EYS: variants seen among roughly 807,000 people sequenced by gnomAD.
EYS encodes the protein protein eyes shut homolog.
EYS carries 250 observed loss-of-function variants against 282.1 expected under a neutral mutation model. The observed-to-expected ratio is 0.89, with a 90% CI of 0.80 to 0.98. EYS has a LOEUF of 0.98. Ranked by LOEUF, EYS falls within the 50% of genes least tolerant of loss-of-function variation. EYS has a pLI of 0.00. For missense variants in EYS, 4,016 were observed against 3,709.0 expected (o/e 1.08, Z -2.15); for synonymous variants, 1,355 against 1,282.9 (o/e 1.06, Z -1.20).
chr6:64,694,848 C>T (rs879272818), intron 22 of EYS, among the ~76,000 whole-genome samples: 4 of 152,086 alleles, frequency 2.6e-5, no homozygotes, highest in East Asian at 1.9e-4. Flanking sequence ...TGCAGTTTCA[C>T]GGTCTGAAGA....
In EYS at chr6:64,591,806, C is replaced by G. The variant is rs1766421024; in HGVS notation, c.4061G>C (p.Gly1354Ala). 6.4e-7 allele frequency: 1 copy of G among 1,551,158 alleles called. No individual in the cohort carries two copies. Among genetic ancestry groups the G allele is most frequent in the Non-Finnish European group, 8.7e-7 (1 of 1,146,698 alleles). ...DVSSSRFLNF[G>A]IRDPAQIVQD... ...GACAATTTGTGCTGGGTCACGAATA[C>G]CAAAATTCAGGAATCGAGAAGAGGA... The change falls in exon 26 of 43, where the codon GGT becomes GCT. Residue 1354 changes from glycine (G) to alanine (A), a missense_variant. Gly to Ala is a moderately conservative substitution (Grantham distance 60). Coordinates refer to ENST00000503581, the MANE Select transcript of EYS (RefSeq NM_001142800.2).
intron 29 of EYS, among the ~76,000 whole-genome samples, chr6:64,351,359 A>G (rs556131488): frequency 1.3e-5 from 2 of 151,648 alleles, no homozygotes; most frequent in East Asian, 3.9e-4. Context: ...TAAACCAAGT[A>G]GTATTCAGAG....
chr6:64,463,372 A>G (rs1043536372), intron 26 of EYS, among the ~76,000 whole-genome samples: 6 of 152,208 alleles, frequency 3.9e-5, no homozygotes, highest in African/African-American at 1.4e-4. Flanking sequence ...CTAGGCCTGT[A>G]GTCAGCTATC....
Position 63,720,994 on chromosome 6 carries a change from G to A in EYS, c.9037C>T (p.Leu3013Phe). The A allele has an allele frequency of 6.4e-7, 1 of 1,551,272 alleles. No individual in the cohort carries two copies. Among genetic ancestry groups the A allele is most frequent in the Non-Finnish European group, 8.7e-7 (1 of 1,146,768 alleles). ...NEENDFLAIG[L>F]HNQTLKIAVN... is the part of the protein sequence containing the mutation. ...GCTATTTTCAAGGTCTGATTATGGA[G>A]ACCAATTGCCAGAAAATCATTTTCT... The change falls in exon 43 of 43, where the codon CTC becomes TTC. Residue 3013 changes from leucine to phenylalanine, a missense_variant. By Grantham distance (22) the Leu-to-Phe change is conservative. Transcript: ENST00000503581.
rs576242874 is a variant in EYS, at chr6:64,540,511, C to A, written c.5644+49712G>T. Reference sequence around the variant, plus strand: ...TTTTTTTTTTTTTTTGAGATGGAGTCTAGGTCTGTCACCCAGGCTGGAGTG... The same window carrying A: ...TTTTTTTTTTTTTTTGAGATGGAGTATAGGTCTGTCACCCAGGCTGGAGTG... On this transcript the variant is annotated intron_variant, in intron 26 of 42. Coordinates refer to ENST00000503581, the MANE Select transcript of EYS (RefSeq NM_001142800.2). Among the ~76,000 whole-genome samples, 7 of 112,428 alleles carry A rather than the reference C, an allele frequency of 6.2e-5. No homozygotes were observed. The East Asian group carries it at 2.0e-3, about 32-fold the overall frequency. 73.8% of individuals were successfully genotyped at this position (112,428 alleles called of 152,430 possible). A position where few individuals can be genotyped will look rare whatever the true frequency, so the allele number is the denominator to read the frequency against.
At chr6:63,807,940 G>T (rs1770946893) in intron 36 of EYS, among the ~76,000 whole-genome samples, 1 of 152,118 alleles carries the variant, frequency 6.6e-6, no homozygotes, top group South Asian at 2.1e-4. Flanking sequence ...ATAGAATTCA[G>T]TTAAATTTAA....
intron 12 of EYS, among the ~76,000 whole-genome samples, chr6:65,280,669 T>TA (rs1768191089): frequency 6.6e-6 from 1 of 151,980 alleles, no homozygotes; most frequent in African/African-American, 2.4e-5. Flanking sequence ...ACTTGTAATG[T>TA]AAAATTACAA....
intron 5 of EYS, among the ~76,000 whole-genome samples, chr6:65,465,979 AAT>A (rs1764984199): frequency 6.6e-6 from 1 of 152,010 alleles, no homozygotes; most frequent in Non-Finnish European, 1.5e-5. Flanking sequence ...TCAATCAATC[AAT>A]CAATCAATCA....
At chr6:65,036,634 A>C (rs76707781) in intron 13 of EYS, among the ~76,000 whole-genome samples, 22,162 of 151,566 alleles carry the variant, frequency 0.15, 1,693 homozygotes, top group East Asian at 0.24. Context: ...AAAAACAAAA[A>C]AACACCATTG....
At chr6:65,308,946 T>A (rs1446433190) in intron 11 of EYS, among the ~76,000 whole-genome samples, 3 of 152,054 alleles carry the variant, frequency 2.0e-5, no homozygotes, top group Non-Finnish European at 4.4e-5. Flanking sequence ...CCTTTTGGTG[T>A]GTTAAGTTTA....
At chr6:64,312,991 A>C (rs1485574416) in intron 29 of EYS, among the ~76,000 whole-genome samples, 1 of 152,182 alleles carries the variant, frequency 6.6e-6, no homozygotes, top group African/African-American at 2.4e-5. Flanking sequence ...AAGGATCACA[A>C]CTCCTTGCAG....
intron 2 of EYS, among the ~76,000 whole-genome samples, chr6:65,613,865 T>C (rs1471044120): frequency 1.3e-5 from 2 of 151,938 alleles, no homozygotes; most frequent in Non-Finnish European, 2.9e-5. Context: ...AATTTTTTTA[T>C]GTTTTTCATA....
intron 14 of EYS, among the ~76,000 whole-genome samples, chr6:64,950,827 ATATAT>A (rs1562272762): frequency 1.7e-5 from 2 of 118,400 alleles, no homozygotes; most frequent in South Asian, 2.7e-4. Flanking sequence ...ATATATATAT[ATATAT>A]ATTGTTGAAT....
chr6:64,443,413 A>G (rs574840549), intron 26 of EYS, among the ~76,000 whole-genome samples: 12 of 152,258 alleles, frequency 7.9e-5, no homozygotes, highest in African/African-American at 2.6e-4. Flanking sequence ...CTTTTGAGTT[A>G]ATGCTCAAAT....
At chr6:64,582,059 C>T (rs1766087451) in intron 26 of EYS, among the ~76,000 whole-genome samples, 1 of 152,124 alleles carries the variant, frequency 6.6e-6, no homozygotes, top group African/African-American at 2.4e-5. Flanking sequence ...GCAAGTTTTC[C>T]TGTAAAGAAG....
chr6:65,420,714 T>C (rs1224504238), intron 5 of EYS, among the ~76,000 whole-genome samples: 2 of 151,886 alleles, frequency 1.3e-5, no homozygotes, highest in Non-Finnish European at 2.9e-5. Flanking sequence ...ATTTCTTAAA[T>C]AAAAAGACTT....
At chr6:64,502,282 C>T (rs1177441403) in intron 26 of EYS, among the ~76,000 whole-genome samples, 1 of 151,980 alleles carries the variant, frequency 6.6e-6, no homozygotes, top group African/African-American at 2.4e-5. Flanking sequence ...CCTCTGTCGC[C>T]CAGGCTGGAG....
chr6:64,144,132 C>T (rs758549844), intron 31 of EYS, among the ~76,000 whole-genome samples: 3 of 152,146 alleles, frequency 2.0e-5, no homozygotes, highest in South Asian at 2.1e-4. Context: ...TTGCTATGGA[C>T]GCAGCTTTGA....
intron 24 of EYS, among the ~76,000 whole-genome samples, chr6:64,597,776 T>C (rs1766632803): frequency 2.0e-5 from 3 of 151,872 alleles, no homozygotes; most frequent in Admixed American, 1.3e-4. Context: ...GTTATTGGAG[T>C]GATGGATATA....
Sources: allele counts gnomAD v4.1 joint callset (sites outside exome capture counted in the v4.1 genomes callset), GRCh38; gene constraint gnomAD v4.1.1; transcripts MANE v1.5; gene names NCBI Gene and HGNC (gene_info 2026-07-23, HGNC 2026-07-21).